MASP1: variants seen among roughly 807,000 people sequenced by gnomAD.
MASP1 encodes mannan-binding lectin serine protease 1.
In MASP1, 59 loss-of-function variants were observed where a neutral mutation model predicts 77.1. The ratio of observed to expected loss-of-function variants is 0.77; its 90% confidence interval spans 0.62 to 0.95. The LOEUF (loss-of-function observed/expected upper bound fraction) is 0.95, where lower values mean the gene tolerates loss of function less well. MASP1 is among the 40% of genes least tolerant of loss of function. MASP1 has a pLI of 0.00. For missense variants in MASP1, 885 were observed against 912.9 expected (o/e 0.97, Z 0.39); for synonymous variants, 362 against 354.5 (o/e 1.02, Z -0.24).
chr3:187,286,008 T>G lies in MASP1; in HGVS notation c.54A>C (p.Ser18=). The change falls in exon 2 of 11, where the codon TCA becomes TCC. Residue 18 remains serine, a synonymous_variant. Coordinates refer to ENST00000296280, the MANE Select transcript of MASP1 (RefSeq NM_139125.4). ...YALCFSLSKA[S]AHTVELNNMF... Reference sequence around the variant, plus strand: ...TATTGTTTAGCTCCACGGTGTGGGCTGAAGCCTTTGACAGGGAGAAGCACA... The same window carrying G: ...TATTGTTTAGCTCCACGGTGTGGGCGGAAGCCTTTGACAGGGAGAAGCACA... 6.2e-7 allele frequency: 1 copy of G among 1,614,206 alleles called. No individual in the cohort carries two copies. Among genetic ancestry groups the G allele is most frequent in the Non-Finnish European group, 8.5e-7 (1 of 1,180,030 alleles).
In MASP1 at chr3:187,235,966, C is replaced by T. The variant is rs940381576; in HGVS notation, c.1905G>A (p.Glu635=). The T allele has an allele frequency of 1.9e-6, 3 of 1,614,238 alleles. No individual in the cohort carries two copies. The highest frequency in any genetic ancestry group is 2.5e-6 in the Non-Finnish European group (3 of 1,180,042). The change falls in exon 11 of 11, where the codon GAG becomes GAA. Residue 635 remains glutamate (E), a synonymous_variant. Coordinates refer to ENST00000296280, the MANE Select transcript of MASP1 (RefSeq NM_139125.4). ...VPHAECKTSY[E]SRSGNYSVTE... The stretch of plus-strand genomic sequence containing the variant: ...TGACGCTGTAATTGCCCGAGCGGGA[C>T]TCATAGCTAGTTTTGCACTCAGCGT...
chr3:187,262,404 A>T (rs2108564239), intron 3 of MASP1, 139 bp downstream of exon 3: 1 of 812,590 alleles, frequency 1.2e-6, no homozygotes, highest in East Asian at 2.6e-5. Flanking sequence ...TACGTGATAG[A>T]GCAAATGCAT....
intron 8 of MASP1, among the ~76,000 whole-genome samples, chr3:187,249,232 A>G (rs1317214874): frequency 6.6e-6 from 1 of 151,926 alleles, no homozygotes; most frequent in South Asian, 2.1e-4. Flanking sequence ...TAATTTTTGT[A>G]TTTTTAGTAG....
chr3:187,222,984 C>T (rs1712155980), intron 14 of MASP1: 1 of 721,264 alleles, frequency 1.4e-6, no homozygotes, highest in Admixed American at 2.0e-5. Context: ...TCCCATTGAA[C>T]TTTGGAGGTG....
rs1335246476 is a variant in MASP1 at position 187,253,316 on chromosome 3, C to A, written c.745-1G>T. 1.2e-6 allele frequency: 2 copies of A among 1,613,940 alleles called. No homozygotes were observed. Among genetic ancestry groups the A allele is most frequent in the African/African-American group, 1.3e-5 (1 of 74,900 alleles). Reference sequence around the variant, plus strand: ...CCAAAACTTTTGGACCAACTTTGATCTGCAAAATATGAGAGAGAGAGAGAG... The same window carrying A: ...CCAAAACTTTTGGACCAACTTTGATATGCAAAATATGAGAGAGAGAGAGAG... On this transcript the variant is annotated splice_acceptor_variant, in intron 5 of 10. Coordinates refer to ENST00000296280, the MANE Select transcript of MASP1 (RefSeq NM_139125.4). LOFTEE classifies it high-confidence loss of function.
Position 187,262,437 on chromosome 3 carries a change from A to C in MASP1, c.415+106T>G, listed in dbSNP as rs529879950. 5.4e-5 allele frequency: 58 copies of C among 1,079,794 alleles called. No homozygotes were observed. In the African/African-American group the frequency reaches 8.4e-4, roughly 16 times the overall value. 66.9% of individuals were successfully genotyped at this position (1,079,794 alleles called of 1,614,324 possible). A position where few individuals can be genotyped will look rare whatever the true frequency, so the allele number is the denominator to read the frequency against. Reference sequence around the variant, plus strand: ...CATTAAGACATTAATGGTAAAATCTATGTGGTGCACACACAGATTTCCATC... The same window carrying C: ...CATTAAGACATTAATGGTAAAATCTCTGTGGTGCACACACAGATTTCCATC... On this transcript the variant is annotated intron_variant, in intron 3 of 10. Transcript: ENST00000296280.
chr3:187,217,862 T>A (rs905020498), exon 16 of MASP1: 1 of 152,232 alleles, frequency 6.6e-6, no homozygotes, highest in Non-Finnish European at 1.5e-5. Context: ...CAGAAGTCAG[T>A]ATTTGTGCAC....
chr3:187,288,155 G>C (rs1386441051), intron 1 of MASP1, among the ~76,000 whole-genome samples: 1 of 152,056 alleles, frequency 6.6e-6, no homozygotes, highest in East Asian at 1.9e-4. Context: ...CAATATGTGA[G>C]ATTCTATTAA....
chr3:187,224,328 C>T (rs77108436), intron 13 of MASP1, among the ~76,000 whole-genome samples: 1 of 151,032 alleles, frequency 6.6e-6, no homozygotes, highest in Non-Finnish European at 1.5e-5. Context: ...GGTGTTTGAG[C>T]CTGTGCTGAG....
intron 5 of MASP1, among the ~76,000 whole-genome samples, chr3:187,255,493 C>T: frequency 6.6e-6 from 1 of 152,208 alleles, no homozygotes; most frequent in East Asian, 1.9e-4. Flanking sequence ...CCATTGTGCT[C>T]ACTGGGATTT....
chr3:187,262,513 A>C (rs1196206239), intron 3 of MASP1, 30 bp downstream of exon 3: 1 of 1,610,804 alleles, frequency 6.2e-7, no homozygotes, highest in Middle Eastern at 1.7e-4. Flanking sequence ...AGAGAGAGAG[A>C]CCTGAGGATG....
rs1159711414 is a variant in MASP1, at chr3:187,291,344, C to A, written c.5+284G>T. ...GAGGAGAGTCACATTCGCCAGCAGG[C>A]AGCACCCTGTGCAGGCAGTGGGAGA... On this transcript the variant is annotated intron_variant, in intron 1 of 10. Transcript: ENST00000296280. The A allele has an allele frequency of 5.6e-6, 3 of 536,964 alleles. No homozygotes were observed. The Admixed American group carries it at 9.3e-5, about 17-fold the overall frequency. The allele number at this position is 536,964 out of a possible 1,614,324, so 33.3% of individuals were successfully genotyped here. A position where few individuals can be genotyped will look rare whatever the true frequency, so the allele number is the denominator to read the frequency against.
At chr3:187,236,749 C>T (rs1713224619) in intron 10 of MASP1, among the ~76,000 whole-genome samples, 182 bp from the exon 11 acceptor site, 2 of 152,168 alleles carry the variant, frequency 1.3e-5, no homozygotes, top group African/African-American at 4.8e-5. Context: ...GGGTCTAAGT[C>T]TCTCTAGGCT....
rs772028596 is a variant in MASP1 at position 187,260,847 on chromosome 3, C to T, written c.441G>A (p.Glu147=). 1.2e-6 allele frequency: 2 copies of T among 1,614,116 alleles called. No homozygotes were observed. Among genetic ancestry groups the T allele is most frequent in the South Asian group, 1.1e-5 (1 of 91,078 alleles). Residue 147 remains glutamate, a synonymous_variant, in exon 4 of 11, where the codon GAG becomes GAA. Transcript: ENST00000296280. ...AGTGGTCACAGGACAGCTCCTCGTC[C>T]TCCCTCTCCTTGCACTCGTCCACAT... ...AVDVDECKER[E]DEELSCDHYC...
intron 5 of MASP1, among the ~76,000 whole-genome samples, chr3:187,254,996 G>A (rs954929833): frequency 6.6e-6 from 1 of 152,132 alleles, no homozygotes; most frequent in Non-Finnish European, 1.5e-5. Context: ...GGACACCATG[G>A]CAGGCAGAAT....
rs1439478551 is a variant in MASP1 at position 187,253,282 on chromosome 3, A to G, written c.778T>C (p.Cys260Arg). The change falls in exon 6 of 11, where the codon TGT becomes CGT. Residue 260 changes from cysteine to arginine, a missense_variant. By Grantham distance (180) the Cys-to-Arg change is radical. Transcript: ENST00000296280. ...KVGPKVLGPF[C>R]GEKAPEPIST... ...ATGGGTTCTGGGGCTTTCTCTCCAC[A>G]GAAAGGCCCCAAAACTTTTGGACCA... 1 of 1,614,056 alleles carries G rather than the reference A, an allele frequency of 6.2e-7. No homozygotes were observed. The highest frequency in any genetic ancestry group is 8.5e-7 in the Non-Finnish European group (1 of 1,180,022).
chr3:187,246,242 G>T, intron 8 of MASP1: 2 of 318,518 alleles, frequency 6.3e-6, no homozygotes, highest in Non-Finnish European at 9.1e-6. Context: ...TTCTTTGATG[G>T]AATATATCTA....
At chr3:187,223,112 TA>T in intron 14 of MASP1, 5 of 1,610,744 alleles carry the variant, frequency 3.1e-6, no homozygotes, top group Non-Finnish European at 4.2e-6. Context: ...CTGTAGGTTA[TA>T]AAGTGAACTT....
chr3:187,241,744 T>A (rs886962456), intron 9 of MASP1, 189 bp from the exon 10 acceptor site: 8 of 553,728 alleles, frequency 1.4e-5, no homozygotes, highest in Non-Finnish European at 2.6e-5. Context: ...ATGTGGCAGG[T>A]ACTCTCTGGG....
Sources: allele counts gnomAD v4.1 joint callset (sites outside exome capture counted in the v4.1 genomes callset), GRCh38; gene constraint gnomAD v4.1.1; transcripts MANE v1.5; gene names NCBI Gene and HGNC (gene_info 2026-07-23, HGNC 2026-07-21).